The following ASTN1 variants were observed in gnomAD, a reference collection of about 807,000 sequenced individuals.
The protein encoded by ASTN1 is astrotactin-1.
Under a neutral mutation model 140.7 loss-of-function variants are expected in ASTN1, and 41 were observed. That is an observed-to-expected ratio of 0.29 (90% CI 0.23 to 0.38). The LOEUF (loss-of-function observed/expected upper bound fraction) is 0.38, where lower values mean the gene tolerates loss of function less well. Ranked by LOEUF, ASTN1 falls within the 10% of genes least tolerant of loss-of-function variation. The pLI, the probability that ASTN1 is intolerant of heterozygous loss-of-function variation, is 1.00. For synonymous variants in ASTN1, 640 were observed against 652.2 expected (o/e 0.98, Z 0.29); for missense variants, 1,479 against 1,678.8 (o/e 0.88, Z 2.08).
At chr1:177,008,728 A>G (rs1260082806) in intron 8 of ASTN1, among the ~76,000 whole-genome samples, 1 of 151,966 alleles carries the variant, frequency 6.6e-6, no homozygotes, top group Non-Finnish European at 1.5e-5. Flanking sequence ...GATGAGAGAG[A>G]AAGAGAGAGA....
intron 22 of ASTN1, 118 bp downstream of exon 22, chr1:176,868,726 C>G (rs565675196): frequency 8.7e-7 from 1 of 1,143,462 alleles, no homozygotes; most frequent in East Asian, 2.5e-5. Context: ...GGACTGACTT[C>G]TCTGATTGCC....
At position 176,864,166 on chromosome 1, in the gene ASTN1, A is replaced by G. The variant is rs1198579704; in HGVS notation, c.*118T>C. The stretch of plus-strand genomic sequence containing the variant: ...AAGGATCACTTTCTCCCTGGTTTCG[A>G]TGTTGCTGTGGAGGTTTTCATGTTC... On this transcript the variant is annotated 3_prime_UTR_variant, in exon 23 of 23. Transcript: ENST00000361833. The G allele has an allele frequency of 1.3e-6, 2 of 1,501,860 alleles. No homozygotes were observed. Among genetic ancestry groups the G allele is most frequent in the South Asian group, 1.3e-5 (1 of 74,082 alleles). The allele number at this position is 1,501,860 out of a possible 1,614,324, so 93.0% of individuals were successfully genotyped here. A position where few individuals can be genotyped will look rare whatever the true frequency, so the allele number is the denominator to read the frequency against.
intron 9 of ASTN1, among the ~76,000 whole-genome samples, chr1:176,960,627 A>ACCTC (rs1672618096): frequency 6.6e-6 from 1 of 152,152 alleles, no homozygotes; most frequent in Admixed American, 6.5e-5. Flanking sequence ...CCCTGTACCT[A>ACCTC]CAGAATAAAG....
intron 8 of ASTN1, among the ~76,000 whole-genome samples, chr1:176,969,606 C>T (rs1673047579): frequency 6.6e-6 from 1 of 152,140 alleles, no homozygotes; most frequent in South Asian, 2.1e-4. Flanking sequence ...ATTGAGCAGA[C>T]TGTGCCAATA....
At chr1:176,875,502 A>G (rs1302043352) in intron 21 of ASTN1, among the ~76,000 whole-genome samples, 1 of 152,218 alleles carries the variant, frequency 6.6e-6, no homozygotes, top group Non-Finnish European at 1.5e-5. Context: ...ATCTTTTCAG[A>G]TGTTGCATAG....
chr1:177,112,377 GC>G (rs1680863411), intron 1 of ASTN1, among the ~76,000 whole-genome samples: 1 of 152,176 alleles, frequency 6.6e-6, no homozygotes, highest in African/African-American at 2.4e-5. Flanking sequence ...GCTCCTATCC[GC>G]CACGCCTTCT....
chr1:177,105,412 C>A (rs1371851803), intron 1 of ASTN1, among the ~76,000 whole-genome samples: 1 of 152,154 alleles, frequency 6.6e-6, no homozygotes, highest in African/African-American at 2.4e-5. Flanking sequence ...TTAACATCTT[C>A]TTTCTCTTCT....
chr1:177,164,460 C>T lies in ASTN1; in HGVS notation c.217G>A (p.Asp73Asn). 2 of 1,613,776 alleles carry T rather than the reference C, an allele frequency of 1.2e-6. No homozygotes were observed. The highest frequency in any genetic ancestry group is 1.7e-6 in the Non-Finnish European group (2 of 1,179,872). ...EPKLLFSVRN[D>N]FPGEMVVVDD... ...ACCACGACCATTTCTCCCGGGAAGT[C>T]GTTGCGCACCGAGAAGAGGAGCTTG... is the stretch of plus-strand genomic sequence containing the variant. Residue 73 changes from aspartate (D) to asparagine (N), a missense_variant, in exon 1 of 23, where the codon GAC becomes AAC. By Grantham distance (23) the Asp-to-Asn change is conservative (BLOSUM62 1). Transcript: ENST00000361833.
At position 177,029,684 on chromosome 1, in the gene ASTN1, G is replaced by T. The variant is rs1366012545; in HGVS notation, c.1070C>A (p.Pro357His). 2.5e-6 allele frequency: 4 copies of T among 1,613,762 alleles called. No homozygotes were observed. The highest frequency in any genetic ancestry group is 2.5e-6 in the Non-Finnish European group (3 of 1,179,902). Residue 357 changes from proline to histidine, a missense_variant, in exon 5 of 23, where the codon CCC becomes CAC. Around this residue, in one of 3 missense-constraint regions of ASTN1, gnomAD observed 729 missense variants for 860.4 expected, o/e 0.85. Transcript: ENST00000361833. ...GDSGTEAEND[P>H]QLTFYTDPSR... ...AGGATCCGTGTAAAAGGTCAGCTGG[G>T]GGTCGTTTTCTGCCTCTGTGCCAGA...
chr1:177,112,310 T>G (rs1340016025), intron 1 of ASTN1, among the ~76,000 whole-genome samples: 1 of 152,214 alleles, frequency 6.6e-6, no homozygotes, highest in Non-Finnish European at 1.5e-5. Context: ...GTCCTTCACA[T>G]CAAAGGAAGA....
intron 9 of ASTN1, among the ~76,000 whole-genome samples, chr1:176,964,506 C>T (rs184441052): frequency 6.6e-6 from 1 of 152,164 alleles, no homozygotes; most frequent in Non-Finnish European, 1.5e-5. Context: ...ATGAATTAAA[C>T]TTTATGATAA....
intron 1 of ASTN1, among the ~76,000 whole-genome samples, chr1:177,079,664 C>T (rs536381347): frequency 6.6e-6 from 1 of 152,006 alleles, no homozygotes; most frequent in South Asian, 2.1e-4. Flanking sequence ...AATCTAGTAT[C>T]CCAAACAATA....
chr1:177,032,954 C>T (rs1020191794), intron 2 of ASTN1, 105 bp from the exon 3 acceptor site: 5 of 1,300,854 alleles, frequency 3.8e-6, no homozygotes, highest in Non-Finnish European at 5.2e-6. Context: ...TTTATGCATT[C>T]ATTCATTCAG....
At chr1:177,106,009 C>T (rs976426378) in intron 1 of ASTN1, among the ~76,000 whole-genome samples, 3 of 151,978 alleles carry the variant, frequency 2.0e-5, no homozygotes, top group East Asian at 3.9e-4. Flanking sequence ...AAAACAAAAA[C>T]GAAAACAAAA....
chr1:177,164,551 C>T lies in ASTN1; in HGVS notation c.126G>A (p.Val42=). The T allele has an allele frequency of 6.2e-7, 1 of 1,613,956 alleles. No individual in the cohort carries two copies. The highest frequency in any genetic ancestry group is 1.3e-5 in the African/African-American group (1 of 75,026). Residue 42 remains valine, a synonymous_variant, in exon 1 of 23, where the codon GTG becomes GTA. Transcript: ENST00000361833. ...TCTCGCGCAGGAAGGGCAGTGCCGA[C>T]ACCGTGATGCTTTTGAGCTTGCACT... ...ELECKLKSIT[V]SALPFLREND...
At chr1:177,058,623 G>A (rs1172893523) in intron 2 of ASTN1, among the ~76,000 whole-genome samples, 1 of 152,080 alleles carries the variant, frequency 6.6e-6, no homozygotes, top group African/African-American at 2.4e-5. Context: ...CATATGGGTT[G>A]TTCTATTTTA....
intron 1 of ASTN1, among the ~76,000 whole-genome samples, chr1:177,062,898 G>A (rs1395122959): frequency 6.6e-6 from 1 of 152,164 alleles, no homozygotes; most frequent in Non-Finnish European, 1.5e-5. Flanking sequence ...CCCACCATGA[G>A]TGAATGTGAC....
intron 1 of ASTN1, among the ~76,000 whole-genome samples, chr1:177,079,404 T>A (rs1027179316): frequency 6.6e-6 from 1 of 152,094 alleles, no homozygotes; most frequent in African/African-American, 2.4e-5. Flanking sequence ...ATTATGAGAG[T>A]TATTACAAAA....
intron 1 of ASTN1, among the ~76,000 whole-genome samples, chr1:177,071,304 T>G (rs1678624096): frequency 1.3e-5 from 2 of 152,190 alleles, no homozygotes; most frequent in Non-Finnish European, 2.9e-5. Flanking sequence ...GTCAGGCACT[T>G]AGCAAGGCAC....
Sources: allele counts gnomAD v4.1 joint callset (sites outside exome capture counted in the v4.1 genomes callset), GRCh38; gene constraint gnomAD v4.1.1; regional missense constraint gnomAD v4.1.1; transcripts MANE v1.5; gene names NCBI Gene and HGNC (gene_info 2026-07-23, HGNC 2026-07-21).